The following SLC39A11 variants were observed in gnomAD, a reference collection of about 807,000 sequenced individuals.
The protein encoded by SLC39A11 is zinc transporter ZIP11.
A neutral mutation model predicts 36.1 loss-of-function variants in SLC39A11; 33 were observed. The observed-to-expected ratio is 0.91, with a 90% CI of 0.69 to 1.22. The LOEUF is 1.22. Among genes scored for constraint, SLC39A11 ranks in the 50% most tolerant of loss-of-function variants. The pLI is 0.00. For synonymous variants in SLC39A11, 166 were observed against 170.3 expected (o/e 0.97, Z 0.20); for missense variants, 432 against 430.3 (o/e 1.00, Z -0.03).
intron 5 of SLC39A11, among the ~76,000 whole-genome samples, chr17:72,945,367 A>C (rs1160029074): frequency 1.3e-5 from 2 of 152,210 alleles, no homozygotes; most frequent in African/African-American, 4.8e-5. Context: ...TTTAAAGGCT[A>C]ATGTTATTCA....
At chr17:72,767,194 T>C (rs1210215918) in intron 6 of SLC39A11, among the ~76,000 whole-genome samples, 1 of 152,266 alleles carries the variant, frequency 6.6e-6, no homozygotes, top group African/African-American at 2.4e-5. Context: ...CTTTAACTCT[T>C]ACAACTAGTC....
At chr17:73,058,067 T>A (rs1209347706) in intron 3 of SLC39A11, among the ~76,000 whole-genome samples, 3 of 150,978 alleles carry the variant, frequency 2.0e-5, no homozygotes, top group Non-Finnish European at 4.4e-5. Context: ...TCTCCATTTG[T>A]GGGGTGTGTC....
intron 4 of SLC39A11, among the ~76,000 whole-genome samples, chr17:73,003,866 A>C (rs1160803643): frequency 6.6e-6 from 1 of 152,062 alleles, no homozygotes; most frequent in East Asian, 1.9e-4. Context: ...CGGGTGGATC[A>C]CCCGAGGTCA....
intron 4 of SLC39A11, among the ~76,000 whole-genome samples, chr17:72,998,977 T>C (rs1195101685): frequency 2.6e-5 from 4 of 152,164 alleles, no homozygotes; most frequent in African/African-American, 9.7e-5. Flanking sequence ...GTGAAGCACA[T>C]ACCAAGAGTG....
chr17:72,910,879 A>T (rs1018050474), intron 5 of SLC39A11, among the ~76,000 whole-genome samples: 1 of 150,318 alleles, frequency 6.7e-6, no homozygotes, highest in Non-Finnish European at 1.5e-5. Context: ...GTGAGCCAAG[A>T]TCACACCACT....
intron 7 of SLC39A11, among the ~76,000 whole-genome samples, chr17:72,722,283 A>G (rs1338347768): frequency 6.6e-6 from 1 of 152,178 alleles, no homozygotes; most frequent in Non-Finnish European, 1.5e-5. Context: ...GAAAGACAAC[A>G]GGGAAGCAAA....
intron 7 of SLC39A11, among the ~76,000 whole-genome samples, chr17:72,670,116 AGTTTG>A (rs1169866189): frequency 1.3e-5 from 2 of 151,300 alleles, no homozygotes; most frequent in African/African-American, 4.9e-5. Flanking sequence ...GTACATATAT[AGTTTG>A]TTTTGTAGAG....
At chr17:72,910,772 T>TA (rs34850391) in intron 5 of SLC39A11, among the ~76,000 whole-genome samples, 73,176 of 147,008 alleles carry the variant, frequency 0.5, 17,893 homozygotes, top group Non-Finnish European at 0.53. Context: ...ACTAAAAATA[T>TA]AAAAAATAGC....
intron 5 of SLC39A11, among the ~76,000 whole-genome samples, chr17:72,900,482 T>G (rs1474178340): frequency 6.6e-6 from 1 of 151,972 alleles, no homozygotes; most frequent in Non-Finnish European, 1.5e-5. Context: ...GGGGGCGGGC[T>G]GGGGTGACAG....
intron 4 of SLC39A11, among the ~76,000 whole-genome samples, chr17:72,983,755 G>C (rs945630310): frequency 2.0e-5 from 3 of 152,178 alleles, no homozygotes; most frequent in Non-Finnish European, 4.4e-5. Context: ...TTTCAAATCA[G>C]AGCCAGGCTC....
In SLC39A11 at chr17:72,716,896, G is replaced by C. The variant is rs546752503; in HGVS notation, c.671+19754C>G. On this transcript the variant is annotated intron_variant, in intron 7 of 9. Coordinates refer to ENST00000255559, the MANE Select transcript of SLC39A11 (RefSeq NM_139177.4). Reference sequence around the variant, plus strand: ...AGGCATGAGAATTGCTTGAACTCAGGGGGTGGAGGTTACAGTGAGCCAAGA... The same window carrying C: ...AGGCATGAGAATTGCTTGAACTCAGCGGGTGGAGGTTACAGTGAGCCAAGA... 7.0e-4 allele frequency among the ~76,000 whole-genome samples: 105 copies of C among 150,880 alleles called. 1 individual carries two copies. Among genetic ancestry groups the C allele is most frequent in the African/African-American group, 2.5e-3 (101 of 41,080 alleles).
chr17:72,816,037 C>G (rs1488592172), intron 6 of SLC39A11, among the ~76,000 whole-genome samples: 1 of 152,212 alleles, frequency 6.6e-6, no homozygotes, highest in Non-Finnish European at 1.5e-5. Context: ...TCTATACATG[C>G]AGCCAATCCC....
At chr17:73,090,498 C>T (rs1178326828) in intron 1 of SLC39A11, among the ~76,000 whole-genome samples, 2 of 152,222 alleles carry the variant, frequency 1.3e-5, no homozygotes, top group Non-Finnish European at 2.9e-5. Flanking sequence ...TAAACCAAGC[C>T]ATCTGGACCA....
At chr17:72,882,618 C>A (rs1331180223) in intron 5 of SLC39A11, among the ~76,000 whole-genome samples, 3 of 152,098 alleles carry the variant, frequency 2.0e-5, no homozygotes, top group Non-Finnish European at 1.5e-5. Flanking sequence ...ATTCAGCTGG[C>A]CCGCTCTGCT....
chr17:72,962,312 C>G (rs192076032), intron 4 of SLC39A11, among the ~76,000 whole-genome samples: 1 of 152,174 alleles, frequency 6.6e-6, no homozygotes, highest in African/African-American at 2.4e-5. Flanking sequence ...GTCCAGGGAT[C>G]GGTGCAGCTA....
At chr17:73,027,833 CAGA>C (rs2058610804) in intron 4 of SLC39A11, among the ~76,000 whole-genome samples, 1 of 152,200 alleles carries the variant, frequency 6.6e-6, no homozygotes, top group African/African-American at 2.4e-5. Context: ...GGCACTGCTG[CAGA>C]ATCCTTCAAG....
At chr17:73,063,093 C>T (rs556685583) in intron 3 of SLC39A11, among the ~76,000 whole-genome samples, 4 of 152,128 alleles carry the variant, frequency 2.6e-5, no homozygotes, top group African/African-American at 9.7e-5. Context: ...TCTAGTGACA[C>T]AGGAATCCAT....
rs1567913313 is a variant in SLC39A11, at chr17:72,900,221, GAAAGA to G, written c.430+47526_430+47530del. ...AGAAAGAAAGAAAGAAAGAAAGAAA[GAAAGA>G]AAGAAAAAGACAGCAAGGCAAGGAG... is the stretch of plus-strand genomic sequence containing the variant. On this transcript the variant is annotated intron_variant, in intron 5 of 9. Coordinates refer to ENST00000255559, the MANE Select transcript of SLC39A11 (RefSeq NM_139177.4). Among the ~76,000 whole-genome samples, 48 of 141,284 alleles carry G rather than the reference GAAAGA, an allele frequency of 3.4e-4. 1 individual carries two copies. Among genetic ancestry groups the G allele is most frequent in the Non-Finnish European group, 7.0e-4 (44 of 63,038 alleles). 92.7% of individuals were successfully genotyped at this position (141,284 alleles called of 152,430 possible).
chr17:72,722,835 T>A (rs2567479), intron 7 of SLC39A11, among the ~76,000 whole-genome samples: 1 of 151,840 alleles, frequency 6.6e-6, no homozygotes, highest in African/African-American at 2.4e-5. Flanking sequence ...AGGGTTTTAC[T>A]GTGTTTGCCA....
Sources: gnomAD v4.1 joint callset for allele counts (sites outside exome capture counted in the v4.1 genomes callset) on GRCh38, gnomAD v4.1.1 for gene constraint, MANE v1.5 for transcripts, NCBI Gene and HGNC (gene_info 2026-07-23, HGNC 2026-07-21) for gene names.